MAP2K4: variants seen among roughly 807,000 people sequenced by gnomAD.
The protein encoded by MAP2K4 is mitogen-activated protein kinase kinase 4.
MAP2K4 carries 4 observed loss-of-function variants against 48.5 expected under a neutral mutation model. That is an observed-to-expected ratio of 0.08 (90% CI 0.04 to 0.19). The LOEUF is 0.19. Ranked by LOEUF, MAP2K4 falls within the 10% of genes least tolerant of loss-of-function variation. MAP2K4 has a pLI of 1.00. For missense variants in MAP2K4, 258 were observed against 493.3 expected (o/e 0.52, Z 4.52); for synonymous variants, 166 against 173.1 (o/e 0.96, Z 0.32).
chr17:12,078,358 G>A (rs1328306202), intron 2 of MAP2K4, among the ~76,000 whole-genome samples: 1 of 152,134 alleles, frequency 6.6e-6, no homozygotes, highest in East Asian at 1.9e-4. Flanking sequence ...TGAAGGGAAA[G>A]ATGAGGGATA....
At chr17:12,023,721 A>G (rs1475870674) in intron 1 of MAP2K4, among the ~76,000 whole-genome samples, 1 of 152,080 alleles carries the variant, frequency 6.6e-6, no homozygotes, top group Non-Finnish European at 1.5e-5. Context: ...CTTTCTTAAT[A>G]TACTGCTTAA....
intron 1 of MAP2K4, among the ~76,000 whole-genome samples, chr17:12,044,091 C>T (rs932171031): frequency 1.3e-5 from 2 of 152,172 alleles, no homozygotes; most frequent in African/African-American, 4.8e-5. Flanking sequence ...ACTCCTGTCA[C>T]TCAGGAGATT....
Position 12,133,777 on chromosome 17 carries a change from C to G in MAP2K4, c.1040+4490C>G, listed in dbSNP as rs151061231. Among the ~76,000 whole-genome samples the G allele has an allele frequency of 6.2e-3, 949 of 152,206 alleles. 2 individuals are homozygous for G. Among genetic ancestry groups the G allele is most frequent in the East Asian group, 0.036 (187 of 5,182 alleles). On this transcript the variant is annotated intron_variant, in intron 9 of 10. Transcript: ENST00000353533. ...AGGGGAATATAAAAAGTCACTAGGA[C>G]GATATAAGACCCATATACAACTCTG...
chr17:12,094,804 A>G (rs951822356), intron 3 of MAP2K4, among the ~76,000 whole-genome samples: 1 of 152,108 alleles, frequency 6.6e-6, no homozygotes, highest in South Asian at 2.1e-4. Context: ...TTGGTTAGGA[A>G]TATATCCCTG....
chr17:12,063,914 G>T (rs919706299), intron 2 of MAP2K4, among the ~76,000 whole-genome samples: 1 of 143,554 alleles, frequency 7.0e-6, no homozygotes, highest in Non-Finnish European at 1.5e-5. Context: ...GGAGGTTGCC[G>T]TAAGTAGAGA....
At chr17:12,071,093 A>C (rs1356845573) in intron 2 of MAP2K4, among the ~76,000 whole-genome samples, 2 of 152,042 alleles carry the variant, frequency 1.3e-5, no homozygotes, top group African/African-American at 4.8e-5. Context: ...GTGCATCTCT[A>C]TCTTCTCCTT....
At chr17:12,037,259 A>G (rs1330728960) in intron 1 of MAP2K4, among the ~76,000 whole-genome samples, 2 of 152,304 alleles carry the variant, frequency 1.3e-5, no homozygotes, top group Non-Finnish European at 2.9e-5. Context: ...TGGTAATAAT[A>G]AAAAGGAAAC....
At chr17:12,047,291 A>G (rs1434421391) in intron 1 of MAP2K4, among the ~76,000 whole-genome samples, 1 of 152,202 alleles carries the variant, frequency 6.6e-6, no homozygotes, top group Non-Finnish European at 1.5e-5. Flanking sequence ...GCCATCATAA[A>G]TGTAGACAGT....
At chr17:12,120,502 G>T in intron 7 of MAP2K4, among the ~76,000 whole-genome samples, 1 of 149,876 alleles carries the variant, frequency 6.7e-6, no homozygotes, top group East Asian at 2.0e-4. Context: ...ACTAAAAAAA[G>T]TTTTAAAGAA....
chr17:12,095,752 T>C, intron 4 of MAP2K4, 58 bp downstream of exon 4: 2 of 1,574,956 alleles, frequency 1.3e-6, no homozygotes, highest in Non-Finnish European at 1.7e-6. Flanking sequence ...CAAATGAAGA[T>C]GGCAGGATTC....
At chr17:12,119,420 C>T (rs1217651620) in intron 7 of MAP2K4, among the ~76,000 whole-genome samples, 1 of 152,098 alleles carries the variant, frequency 6.6e-6, no homozygotes, top group Non-Finnish European at 1.5e-5. Context: ...TGGAGAAATG[C>T]AAATCAAAAC....
At chr17:12,040,189 A>G (rs979104751) in intron 1 of MAP2K4, among the ~76,000 whole-genome samples, 2 of 152,182 alleles carry the variant, frequency 1.3e-5, no homozygotes, top group South Asian at 2.1e-4. Flanking sequence ...CTTTGCCTAC[A>G]TTAATTATTT....
intron 1 of MAP2K4, among the ~76,000 whole-genome samples, chr17:12,033,795 G>T (rs780407823): frequency 6.6e-6 from 1 of 150,464 alleles, no homozygotes; most frequent in South Asian, 2.1e-4. Flanking sequence ...TCTAATTAAT[G>T]AAAAAAAAAG....
At chr17:12,113,011 T>C (rs1304301180) in intron 6 of MAP2K4, 2 of 349,066 alleles carry the variant, frequency 5.7e-6, no homozygotes, top group Non-Finnish European at 1.1e-5. Flanking sequence ...GAAATGACTT[T>C]TGCTGTTACA....
At chr17:12,086,826 TTTTTGTTTTGTTTTG>T (rs61021597) in intron 3 of MAP2K4, among the ~76,000 whole-genome samples, 68 of 150,258 alleles carry the variant, frequency 4.5e-4, no homozygotes, top group South Asian at 1.5e-3. Flanking sequence ...AAAAACCTGT[TTTTTGTTTTGTTTTG>T]TTTTGTTTTG....
intron 9 of MAP2K4, among the ~76,000 whole-genome samples, chr17:12,132,700 T>G (rs1973068976): frequency 6.6e-6 from 1 of 152,002 alleles, no homozygotes; most frequent in African/African-American, 2.4e-5. Flanking sequence ...AATGGTCGAC[T>G]CGTGGGTTGA....
chr17:12,065,723 C>A, intron 2 of MAP2K4, among the ~76,000 whole-genome samples: 1 of 152,192 alleles, frequency 6.6e-6, no homozygotes, highest in East Asian at 1.9e-4. Context: ...CTTGAGCCGC[C>A]GTGCCTGGCC....
intron 1 of MAP2K4, among the ~76,000 whole-genome samples, chr17:12,051,208 A>G (rs775464525): frequency 5.9e-5 from 9 of 152,172 alleles, no homozygotes; most frequent in Non-Finnish European, 1.0e-4. Flanking sequence ...AAAAGTAGGC[A>G]GTATTGCTTT....
At chr17:12,140,786 G>A (rs1324341395) in intron 10 of MAP2K4, among the ~76,000 whole-genome samples, 3 of 152,178 alleles carry the variant, frequency 2.0e-5, no homozygotes, top group South Asian at 4.1e-4. Flanking sequence ...TGGCATTTGC[G>A]TCATTCTTCT....
Sources: allele counts gnomAD v4.1 joint callset (sites outside exome capture counted in the v4.1 genomes callset), GRCh38; gene constraint gnomAD v4.1.1; transcripts MANE v1.5; gene names NCBI Gene and HGNC (gene_info 2026-07-23, HGNC 2026-07-21).